STPG2: variants seen among roughly 807,000 people sequenced by gnomAD.
STPG2 encodes sperm-tail PG-rich repeat-containing protein 2.
A neutral mutation model predicts 54.2 loss-of-function variants in STPG2; 56 were observed. That is an observed-to-expected ratio of 1.03 (90% CI 0.83 to 1.29). The LOEUF (loss-of-function observed/expected upper bound fraction) is 1.29. Among genes scored for constraint, STPG2 ranks in the 50% most tolerant of loss-of-function variants. The pLI is 0.00. For synonymous variants in STPG2, 200 were observed against 181.8 expected (o/e 1.10, Z -0.81); for missense variants, 596 against 544.9 (o/e 1.09, Z -0.93).
intron 10 of STPG2, among the ~76,000 whole-genome samples, chr4:97,638,628 G>A (rs900915267): frequency 1.4e-5 from 2 of 143,574 alleles, no homozygotes; most frequent in African/African-American, 5.5e-5. Flanking sequence ...AATCTACAAT[G>A]AACTCAAACA....
chr4:97,739,748 G>A (rs1725156676), intron 9 of STPG2, among the ~76,000 whole-genome samples: 1 of 152,136 alleles, frequency 6.6e-6, no homozygotes. Context: ...AAAGAGTCCA[G>A]GACCAGATGG....
chr4:97,502,064 C>T (rs1416164387), intron 4 of STPG2, among the ~76,000 whole-genome samples: 1 of 151,792 alleles, frequency 6.6e-6, no homozygotes, highest in African/African-American at 2.4e-5. Context: ...AATAGATTCT[C>T]ATTGAGAGTT....
chr4:97,696,870 T>A (rs996893878), intron 10 of STPG2, among the ~76,000 whole-genome samples: 1 of 152,252 alleles, frequency 6.6e-6, no homozygotes, highest in Non-Finnish European at 1.5e-5. Context: ...ATCAAAAAAA[T>A]TAATTTTCTG....
chr4:97,646,968 C>T (rs1721930739), intron 10 of STPG2, among the ~76,000 whole-genome samples: 1 of 152,114 alleles, frequency 6.6e-6, no homozygotes, highest in Admixed American at 6.6e-5. Context: ...AATTTCTCTT[C>T]AGATCAATAA....
chr4:97,827,179 G>A (rs1350928369), intron 9 of STPG2, among the ~76,000 whole-genome samples: 1 of 150,422 alleles, frequency 6.6e-6, no homozygotes, highest in Non-Finnish European at 1.5e-5. Context: ...TGCTTAAAAT[G>A]TTGCTGATCC....
In STPG2 at chr4:97,778,655, C is replaced by T. The variant is rs529455545; in HGVS notation, c.1204+62118G>A. 2.4e-4 allele frequency among the ~76,000 whole-genome samples: 37 copies of T among 152,262 alleles called. No individual in the cohort carries two copies. In the South Asian group the frequency reaches 3.1e-3, roughly 13 times the overall value. Reference sequence around the variant, plus strand: ...CCTCCCCAAGTGGGTCCCTGACCCCCGAGTAGCCTATCTGGGAGGCACCCC... The same window carrying T: ...CCTCCCCAAGTGGGTCCCTGACCCCTGAGTAGCCTATCTGGGAGGCACCCC... On this transcript the variant is annotated intron_variant, in intron 9 of 10. Coordinates refer to ENST00000295268, the MANE Select transcript of STPG2 (RefSeq NM_174952.3).
At chr4:98,072,570 T>TTAAAATAA (rs1553939178) in intron 5 of STPG2, among the ~76,000 whole-genome samples, 5 of 144,880 alleles carry the variant, frequency 3.5e-5, no homozygotes, top group African/African-American at 7.9e-5. Context: ...GAAGGGAAAA[T>TTAAAATAA]AATAAAATAA....
intron 4 of STPG2, among the ~76,000 whole-genome samples, chr4:97,487,241 T>C (rs1730390393): frequency 6.6e-6 from 1 of 151,424 alleles, no homozygotes; most frequent in South Asian, 2.1e-4. Context: ...ATGGTATTAT[T>C]TCATTTAAAT....
At chr4:97,515,243 T>C (rs568599919) in intron 4 of STPG2, among the ~76,000 whole-genome samples, 2 of 152,246 alleles carry the variant, frequency 1.3e-5, no homozygotes, top group East Asian at 3.9e-4. Context: ...TAAGTAGTTA[T>C]GGATATTACA....
intron 10 of STPG2, among the ~76,000 whole-genome samples, chr4:97,656,411 T>C (rs1265790735): frequency 6.6e-6 from 1 of 152,138 alleles, no homozygotes; most frequent in Non-Finnish European, 1.5e-5. Context: ...ATTTGAGTAA[T>C]GTAATTACTT....
chr4:97,894,083 C>T lies in STPG2; in HGVS notation c.1044+49814G>A, dbSNP rs924086373. ...TGTTTAGAAACAAAAGTATAAGATA[C>T]TTTGCAGAAATCTAGATGTATAAAA... On this transcript the variant is annotated intron_variant, in intron 8 of 10. Coordinates refer to ENST00000295268, the MANE Select transcript of STPG2 (RefSeq NM_174952.3). Among the ~76,000 whole-genome samples, 5 of 151,960 alleles carry T rather than the reference C, an allele frequency of 3.3e-5. No homozygotes were observed. The South Asian group carries it at 8.3e-4, about 25-fold the overall frequency.
intron 5 of STPG2, among the ~76,000 whole-genome samples, chr4:98,056,862 G>A (rs1321469449): frequency 1.3e-5 from 2 of 152,046 alleles, no homozygotes; most frequent in East Asian, 1.9e-4. Context: ...TCTCTCTCCC[G>A]CCACTCTACC....
chr4:98,129,668 T>C (rs939705226), intron 2 of STPG2, among the ~76,000 whole-genome samples: 8 of 152,094 alleles, frequency 5.3e-5, no homozygotes, highest in Non-Finnish European at 7.4e-5. Flanking sequence ...GTAATATATA[T>C]TACAAATATT....
intron 4 of STPG2, among the ~76,000 whole-genome samples, chr4:97,510,018 T>C (rs1046681199): frequency 6.6e-6 from 1 of 152,112 alleles, no homozygotes; most frequent in South Asian, 2.1e-4. Context: ...TGCCAAAAGA[T>C]TGGGGACCAC....
intron 8 of STPG2, among the ~76,000 whole-genome samples, chr4:97,930,821 T>G (rs1732517339): frequency 6.6e-6 from 1 of 152,192 alleles, no homozygotes; most frequent in South Asian, 2.1e-4. Flanking sequence ...CGTGGTATGT[T>G]TTTCTATTTG....
intron 4 of STPG2, among the ~76,000 whole-genome samples, chr4:97,464,204 TA>T (rs1408636973): frequency 6.6e-6 from 1 of 152,136 alleles, no homozygotes; most frequent in African/African-American, 2.4e-5. Flanking sequence ...GTTTGTGAAA[TA>T]TTTGGGGGAA....
At chr4:97,952,817 G>T (rs917461478) in intron 7 of STPG2, among the ~76,000 whole-genome samples, 53 of 152,200 alleles carry the variant, frequency 3.5e-4, no homozygotes, top group Non-Finnish European at 6.6e-4. Flanking sequence ...TTGGTAGCCA[G>T]AATGATACAG....
chr4:97,947,604 T>G (rs1733283369), intron 7 of STPG2, among the ~76,000 whole-genome samples: 1 of 152,144 alleles, frequency 6.6e-6, no homozygotes, highest in African/African-American at 2.4e-5. Flanking sequence ...TATTGAGGGT[T>G]TTTAATCATA....
chr4:97,850,603 TTTA>T (rs1729128296), intron 8 of STPG2, among the ~76,000 whole-genome samples: 1 of 151,952 alleles, frequency 6.6e-6, no homozygotes, highest in South Asian at 2.1e-4. Flanking sequence ...CCATTAAAAT[TTTA>T]TTTTCTACTT....
Sources: allele counts gnomAD v4.1 joint callset (sites outside exome capture counted in the v4.1 genomes callset), GRCh38; gene constraint gnomAD v4.1.1; transcripts MANE v1.5; gene names NCBI Gene and HGNC (gene_info 2026-07-23, HGNC 2026-07-21).